Variants in ABCC2 observed in about 807,000 individuals in gnomAD.
The protein encoded by ABCC2 is ATP-binding cassette sub-family C member 2.
Under a neutral mutation model 173.4 loss-of-function variants are expected in ABCC2, and 157 were observed. The ratio of observed to expected loss-of-function variants is 0.91; its 90% confidence interval spans 0.80 to 1.03. The LOEUF (loss-of-function observed/expected upper bound fraction) is 1.03. Among genes scored for constraint, ABCC2 ranks in the 50% least tolerant of loss-of-function variants. The pLI is 0.00. For synonymous variants in ABCC2, 657 were observed against 693.5 expected (o/e 0.95, Z 0.83); for missense variants, 1,822 against 1,852.3 (o/e 0.98, Z 0.30).
At position 99,804,062 on chromosome 10, in the gene ABCC2, G is replaced by C. The variant is rs762211499; in HGVS notation, c.1253G>C (p.Gly418Ala). 1 of 1,614,122 alleles carries C rather than the reference G, an allele frequency of 6.2e-7. No homozygotes were observed. The highest frequency in any genetic ancestry group is 8.5e-7 in the Non-Finnish European group (1 of 1,180,014). ...TTGGCCAGGAAGGAGTACACCGTTG[G>C]AGAAACAGTGAACCTGATGTCTGTG... ...SNLARKEYTV[G>A]ETVNLMSVDA... is the part of the protein sequence containing the mutation. Residue 418 changes from glycine to alanine, a missense_variant, in exon 10 of 32, where the codon GGA (glycine) becomes GCA (alanine). By Grantham distance (60) the Gly-to-Ala change is moderately conservative. Coordinates refer to ENST00000647814, the MANE Select transcript of ABCC2 (RefSeq NM_000392.5).
At chr10:99,808,725 A>G (rs1168494332) in intron 13 of ABCC2, among the ~76,000 whole-genome samples, 1 of 152,196 alleles carries the variant, frequency 6.6e-6, no homozygotes, top group Non-Finnish European at 1.5e-5. Context: ...CAGAGGGAAT[A>G]CCTGGGTTCT....
chr10:99,840,576 G>T (rs1453757004), intron 25 of ABCC2, among the ~76,000 whole-genome samples: 1 of 147,696 alleles, frequency 6.8e-6, no homozygotes, highest in African/African-American at 2.5e-5. Flanking sequence ...TGCAATCTCG[G>T]CTCACTGCAA....
chr10:99,789,709 C>T (rs540161618), intron 2 of ABCC2, among the ~76,000 whole-genome samples: 22 of 98,310 alleles, frequency 2.2e-4, no homozygotes, highest in Non-Finnish European at 3.0e-4. Flanking sequence ...AACTCCGTCT[C>T]AAAAAAAAAA....
In ABCC2 at chr10:99,797,351, C is replaced by T; in HGVS notation, c.867+20C>T. The T allele has an allele frequency of 6.3e-7, 1 of 1,599,354 alleles. No homozygotes were observed. Among genetic ancestry groups the T allele is most frequent in the Non-Finnish European group, 8.5e-7 (1 of 1,171,708 alleles). ...GTCCTGGTAACTTTCCCTTGAGTGT[C>T]TGTGTGAGCGCGCTGCATGTTTCAG... is the stretch of plus-strand genomic sequence containing the variant. On this transcript the variant is annotated intron_variant, in intron 7 of 31. Coordinates refer to ENST00000647814, the MANE Select transcript of ABCC2 (RefSeq NM_000392.5).
rs906969617 is a variant in ABCC2, at chr10:99,822,004, C to T, written c.2620+2735C>T. 2.1e-4 allele frequency among the ~76,000 whole-genome samples: 32 copies of T among 152,116 alleles called. No individual in the cohort carries two copies. The East Asian group carries it at 2.5e-3, about 12-fold the overall frequency. ...TCTCCCTAGGCAAATAGGAGGATAA[C>T]GATACCCAATGGAAATATTTATCAT... is the stretch of plus-strand genomic sequence containing the variant. On this transcript the variant is annotated intron_variant, in intron 19 of 31. Coordinates refer to ENST00000647814, the MANE Select transcript of ABCC2 (RefSeq NM_000392.5).
chr10:99,814,724 T>C (rs771775656), intron 16 of ABCC2, among the ~76,000 whole-genome samples: 59 of 144,774 alleles, frequency 4.1e-4, no homozygotes, highest in Admixed American at 1.2e-3. Flanking sequence ...TATATACACA[T>C]ATGTGTGTGT....
At position 99,799,360 on chromosome 10, in the gene ABCC2, C is replaced by T; in HGVS notation, c.1021C>T (p.Gln341Ter). 6.2e-7 allele frequency: 1 copy of T among 1,614,144 alleles called. No homozygotes were observed. The highest frequency in any genetic ancestry group is 8.5e-7 in the Non-Finnish European group (1 of 1,180,024). The change falls in exon 8 of 32, where the codon CAG becomes TAG. Residue 341 changes from glutamine to a stop codon, truncating the protein, a stop_gained. Coordinates refer to ENST00000647814, the MANE Select transcript of ABCC2 (RefSeq NM_000392.5). LOFTEE classifies it high-confidence loss of function. ...VNDIFTFVSP[Q>*]LLKLLISFAS... ...TGACATCTTCACGTTTGTGAGTCCT[C>T]AGCTGCTGAAGTGAGTCTCCAGGCC...
chr10:99,846,294 G>T (rs2039016696), intron 29 of ABCC2, among the ~76,000 whole-genome samples: 1 of 152,210 alleles, frequency 6.6e-6, no homozygotes, highest in Admixed American at 6.5e-5. Flanking sequence ...CCCCGCAGCG[G>T]CTCCTCAGGA....
chr10:99,814,313 ATACACACGTATG>A (rs2038308148), intron 16 of ABCC2, among the ~76,000 whole-genome samples: 2 of 128,978 alleles, frequency 1.6e-5, no homozygotes, highest in African/African-American at 2.8e-5. Flanking sequence ...ACACATGTAT[ATACACACGTATG>A]TATACACACA....
Position 99,819,285 on chromosome 10 carries a change from T to C in ABCC2, c.2620+16T>C. 6.2e-7 allele frequency: 1 copy of C among 1,611,186 alleles called. No homozygotes were observed. The highest frequency in any genetic ancestry group is 8.5e-7 in the Non-Finnish European group (1 of 1,178,952). The stretch of plus-strand genomic sequence containing the variant: ...GAAGCCACAGGTATGTAAGAAGGAT[T>C]GGGACAAGATAGAACTTGGGCCATG... On this transcript the variant is annotated intron_variant, in intron 19 of 31. Transcript: ENST00000647814.
intron 14 of ABCC2, among the ~76,000 whole-genome samples, chr10:99,811,254 C>T (rs962405199): frequency 6.6e-6 from 1 of 151,516 alleles, no homozygotes; most frequent in African/African-American, 2.4e-5. Context: ...CTCTTGAGCC[C>T]GGAAAGTCAA....
At chr10:99,790,996 A>G (rs553992792) in intron 2 of ABCC2, among the ~76,000 whole-genome samples, 7 of 152,294 alleles carry the variant, frequency 4.6e-5, no homozygotes, top group African/African-American at 1.7e-4. Context: ...AGATGATGGT[A>G]TACTCAGTGG....
intron 2 of ABCC2, among the ~76,000 whole-genome samples, chr10:99,787,571 C>T (rs10748792): frequency 0.58 from 87,904 of 151,816 alleles, 25,712 homozygotes; most frequent in East Asian, 0.77. Context: ...TTATTTTCAA[C>T]TTTTATGTGT....
At chr10:99,800,665 C>T (rs2038002281) in intron 9 of ABCC2, 102 bp downstream of exon 9, 1 of 1,344,370 alleles carries the variant, frequency 7.4e-7, no homozygotes, top group African/African-American at 1.4e-5. Context: ...TAACTTATCT[C>T]AACACTTAAT....
At chr10:99,833,856 G>A (rs947419083) in intron 23 of ABCC2, among the ~76,000 whole-genome samples, 1 of 152,146 alleles carries the variant, frequency 6.6e-6, no homozygotes, top group Admixed American at 6.5e-5. Context: ...CTTCTTGAGT[G>A]TTCTCCAAAC....
At position 99,818,788 on chromosome 10, in the gene ABCC2, AG is replaced by A; in HGVS notation, c.2273del. The A allele has an allele frequency of 6.2e-7, 1 of 1,614,052 alleles. No homozygotes were observed. The highest frequency in any genetic ancestry group is 1.1e-5 in the South Asian group (1 of 91,088). On this transcript the variant is annotated splice_acceptor_variant, in intron 17 of 31. Coordinates refer to ENST00000647814, the MANE Select transcript of ABCC2 (RefSeq NM_000392.5). LOFTEE classifies it high-confidence loss of function. ...CTTAATATGAATTATTTTCTTCTTCAGGGTATAAATCTTAGTGGGGGTCAGA... is the reference window on the plus strand; with the variant it reads ...CTTAATATGAATTATTTTCTTCTTCAGGTATAAATCTTAGTGGGGGTCAGA...
rs1311300790 is a variant in ABCC2 at position 99,814,245 on chromosome 10, A to G, written c.2094+1101A>G. 2.8e-5 allele frequency among the ~76,000 whole-genome samples: 2 copies of G among 71,062 alleles called. 1 individual carries two copies. Among genetic ancestry groups the G allele is most frequent in the Admixed American group, 2.6e-4 (2 of 7,586 alleles). 46.6% of individuals were successfully genotyped at this position (71,062 alleles called of 152,430 possible). ...TATACACACATGTGTATATATGCAC[A>G]CACGTATGTATACACACGTATGTAT... On this transcript the variant is annotated intron_variant, in intron 16 of 31. Coordinates refer to ENST00000647814, the MANE Select transcript of ABCC2 (RefSeq NM_000392.5).
At chr10:99,816,425 A>G (rs2038413826) in intron 16 of ABCC2, among the ~76,000 whole-genome samples, 1 of 152,158 alleles carries the variant, frequency 6.6e-6, no homozygotes, top group Non-Finnish European at 1.5e-5. Flanking sequence ...CTGGGATTAC[A>G]GACTTGTGCC....
At chr10:99,823,444 T>C (rs199759969) in intron 19 of ABCC2, among the ~76,000 whole-genome samples, 1 of 152,044 alleles carries the variant, frequency 6.6e-6, no homozygotes, top group African/African-American at 2.4e-5. Context: ...TGATCATCCA[T>C]GCTATATTTA....
Sources: allele counts gnomAD v4.1 joint callset (sites outside exome capture counted in the v4.1 genomes callset), GRCh38; gene constraint gnomAD v4.1.1; transcripts MANE v1.5; gene names NCBI Gene and HGNC (gene_info 2026-07-23, HGNC 2026-07-21).